ABAT: variants seen among roughly 807,000 people sequenced by gnomAD.
ABAT encodes the protein 4-aminobutyrate aminotransferase.
Under a neutral mutation model 64.6 loss-of-function variants are expected in ABAT, and 45 were observed. The observed-to-expected ratio is 0.70, with a 90% CI of 0.55 to 0.89. The LOEUF (loss-of-function observed/expected upper bound fraction) is 0.89, where lower values mean the gene tolerates loss of function less well. Ranked by LOEUF, ABAT falls within the 40% of genes least tolerant of loss-of-function variation. The pLI is 0.00. For missense variants in ABAT, 633 were observed against 658.4 expected (o/e 0.96, Z 0.42); for synonymous variants, 297 against 250.5 (o/e 1.19, Z -1.75).
At chr16:8,766,061 G>A (rs538500280) in intron 8 of ABAT, 147 bp from the exon 9 acceptor site, 28 of 748,848 alleles carry the variant, frequency 3.7e-5, no homozygotes, top group African/African-American at 3.1e-4. Flanking sequence ...TCACGTTTCA[G>A]TACAGACCTG....
intron 1 of ABAT, among the ~76,000 whole-genome samples, chr16:8,721,667 G>T (rs1454741829): frequency 6.6e-6 from 1 of 152,172 alleles, no homozygotes; most frequent in Non-Finnish European, 1.5e-5. Context: ...TAAATAAATG[G>T]GAGCTGGTAC....
At chr16:8,775,163 G>A in intron 13 of ABAT, 106 bp downstream of exon 13, 1 of 1,474,392 alleles carries the variant, frequency 6.8e-7, no homozygotes, top group Non-Finnish European at 9.4e-7. Flanking sequence ...GGCACTTACT[G>A]GGTCGCAGGT....
chr16:8,772,248 G>GTC lies in ABAT; in HGVS notation c.817-528_817-527dup, dbSNP rs757172298. The stretch of plus-strand genomic sequence containing the variant: ...CCAGACTCTGCTGTATTTTCTCTCT[G>GTC]TCTCTGTGTGTGTGTGTGTGTGTGT... On this transcript the variant is annotated intron_variant, in intron 11 of 15. Transcript: ENST00000268251. Among the ~76,000 whole-genome samples the GTC allele has an allele frequency of 5.3e-3, 498 of 94,422 alleles. 2 individuals are homozygous for GTC. The highest frequency in any genetic ancestry group is 0.013 in the South Asian group (33 of 2,448). The allele number at this position is 94,422 out of a possible 152,430, so 61.9% of individuals were successfully genotyped here.
rs900412933 is a variant in ABAT, at chr16:8,746,070, A to G, written c.140A>G (p.Lys47Arg). 1 of 1,613,834 alleles carries G rather than the reference A, an allele frequency of 6.2e-7. No individual in the cohort carries two copies. The highest frequency in any genetic ancestry group is 1.3e-5 in the African/African-American group (1 of 75,024). The change falls in exon 3 of 16, where the codon AAG (lysine) becomes AGG (arginine). Residue 47 changes from lysine to arginine, a missense_variant. Transcript: ENST00000268251. The stretch of plus-strand genomic sequence containing the variant: ...TTTGATTATGATGGGCCTCTGATGA[A>G]GACGGAAGTCCCAGGGCCTAGATCT... ...VEFDYDGPLM[K>R]TEVPGPRSQE... is the part of the protein sequence containing the mutation.
At position 8,776,006 on chromosome 16, in the gene ABAT, G is replaced by A. The variant is rs1205320989; in HGVS notation, c.1123-338G>A. Among the ~76,000 whole-genome samples, 3 of 152,152 alleles carry A rather than the reference G, an allele frequency of 2.0e-5. No homozygotes were observed. The highest frequency in any genetic ancestry group is 4.4e-5 in the Non-Finnish European group (3 of 68,024). On this transcript the variant is annotated intron_variant, in intron 13 of 15. Coordinates refer to ENST00000268251, the MANE Select transcript of ABAT (RefSeq NM_020686.6). The surrounding 1 kb of genome is among the most constrained non-coding windows in gnomAD (Gnocchi z 4.4). The stretch of plus-strand genomic sequence containing the variant: ...CCTCCCAGAACCTCAGCTTCCTCCT[G>A]TATAAAATGAGGGTTATAGGAGTTA...
At chr16:8,716,020 C>T (rs1596413877) in intron 1 of ABAT, among the ~76,000 whole-genome samples, 1 of 152,100 alleles carries the variant, frequency 6.6e-6, no homozygotes, top group Admixed American at 6.6e-5. Flanking sequence ...ATGTTCATAA[C>T]TTTTATGTGG....
chr16:8,772,049 G>A (rs1339179786), intron 11 of ABAT, among the ~76,000 whole-genome samples: 1 of 152,180 alleles, frequency 6.6e-6, no homozygotes, highest in Non-Finnish European at 1.5e-5. Flanking sequence ...GCAGGTGTGA[G>A]CCACCACACC....
rs563214606 is a variant in ABAT at position 8,778,500 on chromosome 16, C to T, written c.1270-979C>T. On this transcript the variant is annotated intron_variant, in intron 14 of 15. Transcript: ENST00000268251. ...TAAAGATACCAGTCATTGAGCCGGGCGCTGTGGCTCACACCTGTAATCCCA... is the reference window on the plus strand; with the variant it reads ...TAAAGATACCAGTCATTGAGCCGGGTGCTGTGGCTCACACCTGTAATCCCA... 1.2e-4 allele frequency among the ~76,000 whole-genome samples: 18 copies of T among 152,258 alleles called. No individual in the cohort carries two copies. In the East Asian group the frequency reaches 2.1e-3, roughly 18 times the overall value.
intron 2 of ABAT, among the ~76,000 whole-genome samples, chr16:8,743,279 A>C (rs1402666994): frequency 6.8e-6 from 1 of 147,480 alleles, no homozygotes; most frequent in African/African-American, 2.5e-5. Context: ...AAAATCTCAT[A>C]GCTTTGTATA....
chr16:8,682,348 A>AATGG (rs1218968507), intron 1 of ABAT, among the ~76,000 whole-genome samples: 2 of 152,144 alleles, frequency 1.3e-5, no homozygotes, highest in Non-Finnish European at 2.9e-5. Flanking sequence ...TGTGTGAATG[A>AATGG]ATGGATGAAT....
At chr16:8,744,058 C>G (rs2059260465) in intron 2 of ABAT, among the ~76,000 whole-genome samples, 1 of 152,124 alleles carries the variant, frequency 6.6e-6, no homozygotes, top group South Asian at 2.1e-4. Context: ...CCCGGGAAAT[C>G]AAACACCCTC....
chr16:8,760,774 G>C (rs13338443), intron 6 of ABAT, among the ~76,000 whole-genome samples: 1 of 152,154 alleles, frequency 6.6e-6, no homozygotes, highest in Admixed American at 6.5e-5. Flanking sequence ...AACACACGAC[G>C]TCAAGGCCCA....
Position 8,781,314 on chromosome 16 carries a change from G to C in ABAT, c.1387G>C (p.Val463Leu). Residue 463 changes from valine (V) to leucine (L), a missense_variant, in exon 16 of 16, where the codon GTG becomes CTG. By Grantham distance (32) the Val-to-Leu change is conservative. Transcript: ENST00000268251. The surrounding 1 kb of genome is among the most constrained non-coding windows in gnomAD (Gnocchi z 4.5). ...LILIARNKGV[V>L]LGGCGDKSIR... ...CTACCTCCTGCCTCTTTCAGGTGTGGTGTTGGGTGGCTGTGGTGACAAATC... is the reference window on the plus strand; with the variant it reads ...CTACCTCCTGCCTCTTTCAGGTGTGCTGTTGGGTGGCTGTGGTGACAAATC... The C allele has an allele frequency of 6.2e-7, 1 of 1,614,132 alleles. No individual in the cohort carries two copies. The highest frequency in any genetic ancestry group is 8.5e-7 in the Non-Finnish European group (1 of 1,180,004).
chr16:8,760,711 C>T (rs538105435), intron 6 of ABAT, among the ~76,000 whole-genome samples: 1 of 152,346 alleles, frequency 6.6e-6, no homozygotes, highest in African/African-American at 2.4e-5. Context: ...TCAACAAACA[C>T]ATCAGACACA....
intron 1 of ABAT, among the ~76,000 whole-genome samples, chr16:8,719,754 A>G (rs538349648): frequency 2.8e-3 from 425 of 152,198 alleles, no homozygotes; most frequent in African/African-American, 9.7e-3. Flanking sequence ...AAGAAGAAAG[A>G]AGGAGGAGGA....
chr16:8,710,727 A>AGAGAGAGAGGGAGAGGGAGAGGGAGG (rs146344975), intron 1 of ABAT, among the ~76,000 whole-genome samples: 32 of 103,742 alleles, frequency 3.1e-4, no homozygotes, highest in African/African-American at 9.4e-4. Context: ...AGAGAGAGAG[A>AGAGAGAGAGGGAGAGGGAGAGGGAGG]GAGGAAATAG....
At chr16:8,760,877 C>A (rs2059775944) in intron 6 of ABAT, among the ~76,000 whole-genome samples, 1 of 152,120 alleles carries the variant, frequency 6.6e-6, no homozygotes, top group South Asian at 2.1e-4. Flanking sequence ...AGTTGGAGAC[C>A]AGCCTGGGCA....
chr16:8,753,830 CAG>C (rs1348072228), intron 5 of ABAT, among the ~76,000 whole-genome samples: 2 of 152,142 alleles, frequency 1.3e-5, no homozygotes, highest in Non-Finnish European at 2.9e-5. Context: ...CTCGACCAGA[CAG>C]AGTGGAACCC....
At chr16:8,754,378 A>G (rs1359740133) in intron 5 of ABAT, among the ~76,000 whole-genome samples, 1 of 151,872 alleles carries the variant, frequency 6.6e-6, no homozygotes, top group Non-Finnish European at 1.5e-5. Flanking sequence ...AACAAAAAGA[A>G]AAGGTTCAAG....
Sources: allele counts gnomAD v4.1 joint callset (sites outside exome capture counted in the v4.1 genomes callset), GRCh38; gene constraint gnomAD v4.1.1; non-coding constraint Gnocchi (gnomAD v3.1); transcripts MANE v1.5; gene names NCBI Gene and HGNC (gene_info 2026-07-23, HGNC 2026-07-21).